Variants in FER observed in about 807,000 individuals in gnomAD.
The protein encoded by FER is FER tyrosine kinase, also known as tyrosine-protein kinase Fer.
Under a neutral mutation model 111.0 loss-of-function variants are expected in FER, and 63 were observed. The observed-to-expected ratio is 0.57, with a 90% confidence interval of 0.46 to 0.70. The LOEUF (loss-of-function observed/expected upper bound fraction) is 0.70, where lower values mean the gene tolerates loss of function less well. FER is among the 30% of genes least tolerant of loss of function. FER has a pLI of 0.00. For missense variants in FER, 914 were observed against 954.0 expected (o/e 0.96, Z 0.55); for synonymous variants, 327 against 313.9 (o/e 1.04, Z -0.44).
intron 17 of FER, among the ~76,000 whole-genome samples, chr5:109,118,817 T>C (rs1008008311): frequency 1.8e-4 from 27 of 152,292 alleles, no homozygotes; most frequent in Non-Finnish European, 3.8e-4. Context: ...TATTCTCTGA[T>C]GGTAGTTTGT....
intron 5 of FER, among the ~76,000 whole-genome samples, chr5:108,844,036 G>C (rs1761558299): frequency 6.6e-6 from 1 of 151,492 alleles, no homozygotes; most frequent in African/African-American, 2.4e-5. Flanking sequence ...ATATATGTGT[G>C]TGAACATATA....
chr5:108,927,227 T>C (rs1320049822), intron 10 of FER, among the ~76,000 whole-genome samples: 1 of 151,102 alleles, frequency 6.6e-6, no homozygotes, highest in East Asian at 1.9e-4. Flanking sequence ...CCATATCCCA[T>C]GTAATTCAGC....
chr5:109,052,440 A>T, intron 16 of FER: 1 of 1,387,440 alleles, frequency 7.2e-7, no homozygotes, highest in Non-Finnish European at 1.0e-6. Flanking sequence ...GTTTGCCTAA[A>T]GTGCTCCAGT....
chr5:108,948,002 T>G (rs1432308007), intron 11 of FER, among the ~76,000 whole-genome samples: 1 of 152,052 alleles, frequency 6.6e-6, no homozygotes, highest in Non-Finnish European at 1.5e-5. Flanking sequence ...AATTCATTCT[T>G]TTGCATATGG....
chr5:109,120,428 A>C (rs528257585), intron 17 of FER, among the ~76,000 whole-genome samples: 1 of 151,902 alleles, frequency 6.6e-6, no homozygotes, highest in Non-Finnish European at 1.5e-5. Flanking sequence ...ATTTGTTTCT[A>C]TGTTCTCTAT....
intron 10 of FER, among the ~76,000 whole-genome samples, chr5:108,931,094 A>G (rs1047088543): frequency 5.9e-5 from 9 of 152,204 alleles, no homozygotes; most frequent in South Asian, 2.1e-4. Flanking sequence ...TTTCTAATCT[A>G]TAAAATGAGG....
At chr5:109,067,397 T>A (rs1775235780) in intron 16 of FER, among the ~76,000 whole-genome samples, 1 of 152,284 alleles carries the variant, frequency 6.6e-6, no homozygotes, top group South Asian at 2.1e-4. Flanking sequence ...TTTGTGGGAT[T>A]TTTATTGTTG....
At chr5:108,937,329 G>T (rs1402064920) in intron 10 of FER, among the ~76,000 whole-genome samples, 3 of 151,902 alleles carry the variant, frequency 2.0e-5, no homozygotes, top group Non-Finnish European at 2.9e-5. Flanking sequence ...CCAGCTTTGG[G>T]AATTATGAGT....
chr5:108,981,474 C>T (rs1277851419), intron 13 of FER, among the ~76,000 whole-genome samples: 1 of 151,764 alleles, frequency 6.6e-6, no homozygotes, highest in Non-Finnish European at 1.5e-5. Flanking sequence ...CCTCTAAAGT[C>T]GATATAGGCT....
intron 10 of FER, among the ~76,000 whole-genome samples, chr5:108,937,090 T>G (rs80009356): frequency 3.5e-4 from 54 of 152,148 alleles, no homozygotes; most frequent in Admixed American, 7.9e-4. Flanking sequence ...ATATATTCCC[T>G]TTTATTTACT....
intron 1 of FER, among the ~76,000 whole-genome samples, chr5:108,764,419 C>T (rs1038262011): frequency 1.3e-5 from 2 of 151,764 alleles, no homozygotes; most frequent in African/African-American, 2.4e-5. Context: ...ATTTTTGAGA[C>T]GAAGTTTCAC....
chr5:108,858,723 C>T (rs1763230333), intron 5 of FER, among the ~76,000 whole-genome samples: 1 of 150,358 alleles, frequency 6.7e-6, no homozygotes, highest in South Asian at 2.1e-4. Context: ...ATTGATAATG[C>T]ATCTTGAAAA....
At chr5:109,147,499 T>G (rs1365783797) in intron 17 of FER, among the ~76,000 whole-genome samples, 1 of 151,902 alleles carries the variant, frequency 6.6e-6, no homozygotes, top group Non-Finnish European at 1.5e-5. Flanking sequence ...CATGATAGTT[T>G]TCAAAAAAAG....
intron 13 of FER, among the ~76,000 whole-genome samples, chr5:109,023,716 G>T (rs1292871018): frequency 1.3e-5 from 2 of 151,726 alleles, no homozygotes; most frequent in African/African-American, 2.4e-5. Context: ...CATGAAGAGG[G>T]ACATTGTTTC....
intron 10 of FER, among the ~76,000 whole-genome samples, chr5:108,927,939 C>T (rs922966905): frequency 1.3e-5 from 2 of 152,250 alleles, no homozygotes; most frequent in Admixed American, 1.3e-4. Flanking sequence ...TAACTAGCAC[C>T]AACTCCGGAC....
At chr5:108,785,650 T>G (rs530250200) in intron 2 of FER, 7 of 345,060 alleles carry the variant, frequency 2.0e-5, no homozygotes, top group Admixed American at 3.8e-5. Flanking sequence ...GTGTTTCCCC[T>G]GGCTGTTTGT....
At position 108,959,255 on chromosome 5, in the gene FER, T is replaced by G. The variant is rs1758838994; in HGVS notation, c.1564T>G (p.Ser522Ala). 2 of 1,611,740 alleles carry G rather than the reference T, an allele frequency of 1.2e-6. No individual in the cohort carries two copies. Among genetic ancestry groups the G allele is most frequent in the Non-Finnish European group, 1.7e-6 (2 of 1,178,542 alleles). The change falls in exon 13 of 20, where the codon TCA becomes GCA. Residue 522 changes from serine (S) to alanine (A), a missense_variant. Physicochemically the swap from Ser to Ala is moderately conservative, Grantham distance 99. Around this residue, in one of 3 missense-constraint regions of FER, gnomAD observed 774 missense variants for 782.6 expected, o/e 0.99. Transcript: ENST00000281092. Reference protein sequence around the residue: ...NMYRFEGTGFSNIPQLIDHHY... With the variant: ...NMYRFEGTGFANIPQLIDHHY... ...GTATCGATTCGAGGGCACTGGGTTTTCAAACATTCCTCAACTTATAGATCA... is the reference window on the plus strand; with the variant it reads ...GTATCGATTCGAGGGCACTGGGTTTGCAAACATTCCTCAACTTATAGATCA...
In FER at chr5:109,148,684, G is replaced by A. The variant is rs1220461986; in HGVS notation, c.2049-32063G>A. On this transcript the variant is annotated intron_variant, in intron 17 of 19. Coordinates refer to ENST00000281092, the MANE Select transcript of FER (RefSeq NM_005246.4). ...AAAACTTTTAAAGGTTTTCCTCAAA[G>A]GGTTACCCCTCAGTTACTTGGATAA... Among the ~76,000 whole-genome samples, 4 of 152,246 alleles carry A rather than the reference G, an allele frequency of 2.6e-5. No homozygotes were observed. In the East Asian group the frequency reaches 7.7e-4, roughly 29 times the overall value.
At position 108,750,300 on chromosome 5, in the gene FER, G is replaced by T. The variant is rs575145586; in HGVS notation, c.-206+2300G>T. Among the ~76,000 whole-genome samples, 11 of 152,188 alleles carry T rather than the reference G, an allele frequency of 7.2e-5. No individual in the cohort carries two copies. The East Asian group carries it at 2.1e-3, about 29-fold the overall frequency. On this transcript the variant is annotated intron_variant, in intron 1 of 19. Transcript: ENST00000281092. ...AAAAAACTATTGCAAAATCTTTAGT[G>T]CAGTATTTGTAGTCCTGGTATATAT...
Sources: gnomAD v4.1 joint callset for allele counts (sites outside exome capture counted in the v4.1 genomes callset) on GRCh38, gnomAD v4.1.1 for gene constraint, gnomAD v4.1.1 regional missense constraint, MANE v1.5 for transcripts, NCBI Gene and HGNC (gene_info 2026-07-23, HGNC 2026-07-21) for gene names.